Variants in CFHR3 observed in about 807,000 individuals in gnomAD.
CFHR3 encodes complement factor H-related protein 3.
CFHR3 carries 22 observed loss-of-function variants against 36.0 expected under a neutral mutation model. That is an observed-to-expected ratio of 0.61 (90% CI 0.44 to 0.87). The LOEUF (loss-of-function observed/expected upper bound fraction) is 0.87. Ranked by LOEUF, CFHR3 falls within the 40% of genes least tolerant of loss-of-function variation. The pLI, the probability that CFHR3 is intolerant of heterozygous loss-of-function variation, is 0.00. For synonymous variants in CFHR3, 97 were observed against 137.4 expected (o/e 0.71, Z 2.06); for missense variants, 276 against 401.3 (o/e 0.69, Z 2.67).
intron 3 of CFHR3, among the ~76,000 whole-genome samples, chr1:196,786,612 T>G (rs191364513): frequency 0.024 from 3,286 of 136,184 alleles, 921 homozygotes; most frequent in African/African-American, 0.097. Context: ...CTGAGCCAGG[T>G]GAGCGATATA....
At chr1:196,781,593 A>G (rs2124846061) in intron 3 of CFHR3, among the ~76,000 whole-genome samples, 1 of 137,042 alleles carries the variant, frequency 7.3e-6, no homozygotes, top group African/African-American at 3.1e-5. Flanking sequence ...GGCTGCGTAA[A>G]TGTCTTCTTT....
chr1:196,794,352 A>G lies in CFHR3; in HGVS notation c.*839A>G, dbSNP rs1292589092. 7.3e-6 allele frequency among the ~76,000 whole-genome samples: 1 copy of G among 136,634 alleles called. No individual in the cohort carries two copies. The highest frequency in any genetic ancestry group is 1.6e-5 in the Non-Finnish European group (1 of 64,426). The allele number at this position is 136,634 out of a possible 152,430, so 89.6% of individuals were successfully genotyped here. A position where few individuals can be genotyped will look rare whatever the true frequency, so the allele number is the denominator to read the frequency against. On this transcript the variant is annotated 3_prime_UTR_variant, in exon 6 of 6. Coordinates refer to ENST00000367425, the MANE Select transcript of CFHR3 (RefSeq NM_021023.6). ...ATGGCGTGCACCTGTAGTCCCAGCT[A>G]CTCAGGAGGCTGAGGTGGGAGAATC...
Position 196,784,891 on chromosome 1 carries a change from C to T in CFHR3, c.431-3325C>T, listed in dbSNP as rs1654127513. Among the ~76,000 whole-genome samples the T allele has an allele frequency of 1.5e-5, 2 of 136,096 alleles. 1 individual carries two copies. Among genetic ancestry groups the T allele is most frequent in the Non-Finnish European group, 3.1e-5 (2 of 64,362 alleles). The allele number at this position is 136,096 out of a possible 152,430, so 89.3% of individuals were successfully genotyped here. A position where few individuals can be genotyped will look rare whatever the true frequency, so the allele number is the denominator to read the frequency against. ...TGCTTGTTAGTTGATGCAGTTTCTT[C>T]CTAGTCTCGATGGTCTTTACATTTT... On this transcript the variant is annotated intron_variant, in intron 3 of 5. Transcript: ENST00000367425.
At chr1:196,789,194 T>A in intron 4 of CFHR3, 1 of 915,380 alleles carries the variant, frequency 1.1e-6, no homozygotes, top group Non-Finnish European at 1.3e-6. Context: ...TACTCCCAAA[T>A]CCACTTCATT....
In CFHR3 at chr1:196,786,206, G is replaced by T. The variant is rs1441180077; in HGVS notation, c.431-2010G>T. On this transcript the variant is annotated intron_variant, in intron 3 of 5. Coordinates refer to ENST00000367425, the MANE Select transcript of CFHR3 (RefSeq NM_021023.6). Reference sequence around the variant, plus strand: ...ACCCGGCCGTGTGAGGTGTCAGTCTGCCCCTACTGGGTGGTGCCTCCCAGT... The same window carrying T: ...ACCCGGCCGTGTGAGGTGTCAGTCTTCCCCTACTGGGTGGTGCCTCCCAGT... Among the ~76,000 whole-genome samples the T allele has an allele frequency of 2.9e-5, 4 of 136,088 alleles. 1 individual carries two copies. The highest frequency in any genetic ancestry group is 1.2e-4 in the African/African-American group (4 of 32,256). The allele number at this position is 136,088 out of a possible 152,430, so 89.3% of individuals were successfully genotyped here.
At chr1:196,775,364 A>G (rs1184125009) in intron 1 of CFHR3, among the ~76,000 whole-genome samples, 1 of 137,012 alleles carries the variant, frequency 7.3e-6, no homozygotes, top group East Asian at 1.9e-4. Context: ...ATAGATTTAT[A>G]TATCAAAAAA....
chr1:196,791,401 C>G lies in CFHR3; in HGVS notation c.796+1174C>G, dbSNP rs796272649. ...GTTTCTACTAGCCTATGAGGTAGAG[C>G]CCTGGGACACCCATCAGTCCTTGAA... On this transcript the variant is annotated intron_variant, in intron 5 of 5. Transcript: ENST00000367425. 1.7e-3 allele frequency among the ~76,000 whole-genome samples: 233 copies of G among 134,800 alleles called. 55 individuals are homozygous for G. The highest frequency in any genetic ancestry group is 7.1e-3 in the African/African-American group (226 of 31,624). 88.4% of individuals were successfully genotyped at this position (134,800 alleles called of 152,430 possible). A position where few individuals can be genotyped will look rare whatever the true frequency, so the allele number is the denominator to read the frequency against.
In CFHR3 at chr1:196,785,176, A is replaced by G. The variant is rs1479239303; in HGVS notation, c.431-3040A>G. Among the ~76,000 whole-genome samples, 25 of 134,646 alleles carry G rather than the reference A, an allele frequency of 1.9e-4. 3 individuals carry two copies. The highest frequency in any genetic ancestry group is 1.4e-3 in the Admixed American group (20 of 14,096). 88.3% of individuals were successfully genotyped at this position (134,646 alleles called of 152,430 possible). On this transcript the variant is annotated intron_variant, in intron 3 of 5. Transcript: ENST00000367425. ...TAGAGTTTCTGCTGAGAGATCTGCT[A>G]TTAGTCTGATGGGCTTCCCTTTGTG...
At position 196,781,355 on chromosome 1, in the gene CFHR3, T is replaced by C. The variant is rs1653941246; in HGVS notation, c.430+1382T>C. On this transcript the variant is annotated intron_variant, in intron 3 of 5. Transcript: ENST00000367425. ...CTGGGTCAAATGGTATTTCTAGTTC[T>C]AGATCCCTGAGGAATCACCACACTG... Among the ~76,000 whole-genome samples, 2 of 135,656 alleles carry C rather than the reference T, an allele frequency of 1.5e-5. 1 individual carries two copies. The highest frequency in any genetic ancestry group is 3.1e-5 in the Non-Finnish European group (2 of 64,308). 89.0% of individuals were successfully genotyped at this position (135,656 alleles called of 152,430 possible).
intron 3 of CFHR3, among the ~76,000 whole-genome samples, chr1:196,780,360 C>G (rs1573109731): frequency 7.3e-6 from 1 of 137,436 alleles, no homozygotes; most frequent in East Asian, 2.0e-4. Context: ...AGGTTTCCTA[C>G]AGTATTTATT....
At chr1:196,783,265 T>G (rs1166461472) in intron 3 of CFHR3, among the ~76,000 whole-genome samples, 1 of 136,688 alleles carries the variant, frequency 7.3e-6, no homozygotes, top group Non-Finnish European at 1.5e-5. Flanking sequence ...TAAAATTATC[T>G]TTTTTGGTTG....
chr1:196,776,416 C>G (rs1454308867), intron 1 of CFHR3, among the ~76,000 whole-genome samples: 1 of 137,346 alleles, frequency 7.3e-6, no homozygotes, highest in Non-Finnish European at 1.5e-5. Context: ...AACTGCATCC[C>G]GCCAAAATTC....
chr1:196,774,865 C>T lies in CFHR3; in HGVS notation c.-22C>T, dbSNP rs769777372. ...AGTGCAACTGAAACTTTTGTATTAG[C>T]ATACTACTGAGAATATCTAACATGT... On this transcript the variant is annotated 5_prime_UTR_variant, in exon 1 of 6. Coordinates refer to ENST00000367425, the MANE Select transcript of CFHR3 (RefSeq NM_021023.6). 4.6e-6 allele frequency: 7 copies of T among 1,506,180 alleles called. 2 individuals carry two copies. The highest frequency in any genetic ancestry group is 5.4e-6 in the Non-Finnish European group (6 of 1,110,028). 93.3% of individuals were successfully genotyped at this position (1,506,180 alleles called of 1,614,324 possible). A position where few individuals can be genotyped will look rare whatever the true frequency, so the allele number is the denominator to read the frequency against.
rs1350003231 is a variant in CFHR3 at position 196,794,975 on chromosome 1, C to T, written c.*1462C>T. 8 of 135,408 alleles carry T rather than the reference C, an allele frequency of 5.9e-5. 3 individuals carry two copies. Among genetic ancestry groups the T allele is most frequent in the African/African-American group, 2.5e-4 (8 of 31,486 alleles). 8.4% of individuals were successfully genotyped at this position (135,408 alleles called of 1,614,324 possible). ...TGAAGAATGATATAAGCTATCAAATCTAACTCAGTTTTCAAATAACAGGTT... is the reference window on the plus strand; with the variant it reads ...TGAAGAATGATATAAGCTATCAAATTTAACTCAGTTTTCAAATAACAGGTT... On this transcript the variant is annotated 3_prime_UTR_variant, in exon 6 of 6. Transcript: ENST00000367425.
chr1:196,788,490 T>C (rs1654299673), intron 4 of CFHR3, 92 bp downstream of exon 4: 1 of 1,475,010 alleles, frequency 6.8e-7, no homozygotes, highest in Non-Finnish European at 9.1e-7. Flanking sequence ...AGAAAACAAT[T>C]TTAGGAGTAA....
In CFHR3 at chr1:196,785,825, G is replaced by A. The variant is rs1303872089; in HGVS notation, c.431-2391G>A. 2.7e-4 allele frequency among the ~76,000 whole-genome samples: 37 copies of A among 137,548 alleles called. 8 individuals carry two copies. The highest frequency in any genetic ancestry group is 1.1e-3 in the African/African-American group (36 of 33,134). 90.2% of individuals were successfully genotyped at this position (137,548 alleles called of 152,430 possible). On this transcript the variant is annotated intron_variant, in intron 3 of 5. Transcript: ENST00000367425. Reference sequence around the variant, plus strand: ...ACTCGTCAAAGTCATTCTCCGTCCAGCTTTGTTCCGTTGCTGGTGAGGAAC... The same window carrying A: ...ACTCGTCAAAGTCATTCTCCGTCCAACTTTGTTCCGTTGCTGGTGAGGAAC...
chr1:196,783,708 C>G (rs1020769875), intron 3 of CFHR3, among the ~76,000 whole-genome samples: 3 of 134,966 alleles, frequency 2.2e-5, no homozygotes, highest in Admixed American at 7.1e-5. Context: ...TTCTTTATTA[C>G]TCTTGCTAGC....
chr1:196,786,521 C>G lies in CFHR3; in HGVS notation c.431-1695C>G, dbSNP rs1253247954. Among the ~76,000 whole-genome samples, 5 of 136,326 alleles carry G rather than the reference C, an allele frequency of 3.7e-5. 1 individual carries two copies. The highest frequency in any genetic ancestry group is 1.5e-4 in the African/African-American group (5 of 32,526). 89.4% of individuals were successfully genotyped at this position (136,326 alleles called of 152,430 possible). Reference sequence around the variant, plus strand: ...GCCTGGGCAATGGCAGGCCCCCCTCCCCCAGCCTCGCTGCCGCCTTGCAGT... The same window carrying G: ...GCCTGGGCAATGGCAGGCCCCCCTCGCCCAGCCTCGCTGCCGCCTTGCAGT... On this transcript the variant is annotated intron_variant, in intron 3 of 5. Coordinates refer to ENST00000367425, the MANE Select transcript of CFHR3 (RefSeq NM_021023.6).
rs1654436323 is a variant in CFHR3, at chr1:196,791,771, ATTTCATAGAAAAGTGTTAGG to A, written c.797-1540_797-1521del. On this transcript the variant is annotated intron_variant, in intron 5 of 5. Transcript: ENST00000367425. ...TAGTTTACAAGTATCTTCAAACTTG[ATTTCATAGAAAAGTGTTAGG>A]TTTCAGAGATAAATTCTGAGTCTTA... Among the ~76,000 whole-genome samples, 2 of 134,890 alleles carry A rather than the reference ATTTCATAGAAAAGTGTTAGG, an allele frequency of 1.5e-5. 1 individual carries two copies. Among genetic ancestry groups the A allele is most frequent in the African/African-American group, 6.3e-5 (2 of 31,572 alleles). 88.5% of individuals were successfully genotyped at this position (134,890 alleles called of 152,430 possible).
Sources: gnomAD v4.1 joint callset for allele counts (sites outside exome capture counted in the v4.1 genomes callset) on GRCh38, gnomAD v4.1.1 for gene constraint, MANE v1.5 for transcripts, NCBI Gene and HGNC (gene_info 2026-07-23, HGNC 2026-07-21) for gene names.